Variants in PPP3R1 observed in about 807,000 individuals in gnomAD.
PPP3R1 encodes the protein calcineurin subunit B type 1.
PPP3R1 carries 5 observed loss-of-function variants against 22.6 expected under a neutral mutation model. That is an observed-to-expected ratio of 0.22 (90% CI 0.12 to 0.46). The LOEUF (loss-of-function observed/expected upper bound fraction) is 0.46, where lower values mean the gene tolerates loss of function less well. PPP3R1 is among the 20% of genes least tolerant of loss of function. The pLI is 0.99. For missense variants in PPP3R1, 61 were observed against 203.2 expected, an observed-to-expected ratio of 0.30 and a Z score of 4.25; for synonymous variants, 56 against 65.2, an observed-to-expected ratio of 0.86 and a Z score of 0.68.
At chr2:68,216,249 T>C (rs1343948753) in intron 2 of PPP3R1, among the ~76,000 whole-genome samples, 3 of 152,118 alleles carry the variant, frequency 2.0e-5, no homozygotes, top group Non-Finnish European at 4.4e-5. Context: ...TAATTCTAAA[T>C]TAACATCCAA....
At chr2:68,242,670 T>TTGC (rs1436578566) in intron 1 of PPP3R1, among the ~76,000 whole-genome samples, 12 of 152,206 alleles carry the variant, frequency 7.9e-5, no homozygotes, top group Admixed American at 7.9e-4. Flanking sequence ...TTGCCCATTA[T>TTGC]CACGTGTTTT....
intron 2 of PPP3R1, among the ~76,000 whole-genome samples, chr2:68,196,234 A>T (rs1380912265): frequency 3.3e-5 from 5 of 152,226 alleles, no homozygotes; most frequent in Non-Finnish European, 7.3e-5. Flanking sequence ...TTAACTTAAA[A>T]GCTTTACAGT....
chr2:68,201,985 T>C (rs763663818), intron 2 of PPP3R1, among the ~76,000 whole-genome samples: 1 of 152,356 alleles, frequency 6.6e-6, no homozygotes, highest in South Asian at 2.1e-4. Context: ...GCAATCAGAA[T>C]GCTTTTAAAC....
intron 1 of PPP3R1, among the ~76,000 whole-genome samples, chr2:68,235,251 A>G (rs1669997105): frequency 6.6e-6 from 1 of 152,158 alleles, no homozygotes; most frequent in Non-Finnish European, 1.5e-5. Flanking sequence ...CCATCCATCT[A>G]AAGTATACAA....
chr2:68,198,447 GTATATACA>G (rs986687983), intron 2 of PPP3R1, among the ~76,000 whole-genome samples: 15 of 148,318 alleles, frequency 1.0e-4, no homozygotes, highest in Admixed American at 8.8e-4. Flanking sequence ...GTGTATATAT[GTATATACA>G]TATATACGTA....
At chr2:68,229,627 TA>T (rs1309284867) in intron 1 of PPP3R1, among the ~76,000 whole-genome samples, 2 of 152,156 alleles carry the variant, frequency 1.3e-5, no homozygotes, top group African/African-American at 4.8e-5. Context: ...TTAACCCTTT[TA>T]TCATATAATG....
At chr2:68,247,802 T>G (rs1670263934) in intron 1 of PPP3R1, among the ~76,000 whole-genome samples, 1 of 152,202 alleles carries the variant, frequency 6.6e-6, no homozygotes, top group Non-Finnish European at 1.5e-5. Flanking sequence ...TTCTACCGCC[T>G]AAATGTATCT....
chr2:68,238,589 A>G (rs1670058912), intron 1 of PPP3R1, among the ~76,000 whole-genome samples: 2 of 152,208 alleles, frequency 1.3e-5, no homozygotes, highest in South Asian at 4.1e-4. Context: ...TTGACTTTCA[A>G]ATGAAAGCAT....
intron 1 of PPP3R1, among the ~76,000 whole-genome samples, chr2:68,240,002 AT>A (rs1291108383): frequency 2.0e-5 from 3 of 152,206 alleles, no homozygotes; most frequent in African/African-American, 7.2e-5. Context: ...TGTGTTATCT[AT>A]TTTACCAACT....
At chr2:68,237,582 T>C (rs1670042546) in intron 1 of PPP3R1, among the ~76,000 whole-genome samples, 1 of 152,232 alleles carries the variant, frequency 6.6e-6, no homozygotes. Context: ...GAATGAATAA[T>C]AAAATACCAA....
intron 2 of PPP3R1, among the ~76,000 whole-genome samples, chr2:68,198,391 A>ATG (rs1189841036): frequency 8.1e-6 from 1 of 123,506 alleles, no homozygotes; most frequent in Non-Finnish European, 1.7e-5. Flanking sequence ...ATGCATATAT[A>ATG]TGTATATATA....
In PPP3R1 at chr2:68,179,319, CA is replaced by C. The variant is rs2103707268; in HGVS notation, c.*1643del. ...GAACATTAACATTTCCAAAGTTTGG[CA>C]ACATTATCTTTTAAAATTATGCAAA... On this transcript the variant is annotated 3_prime_UTR_variant, in exon 6 of 6. Transcript: ENST00000234310. 6.6e-6 allele frequency: 1 copy of C among 152,670 alleles called. No homozygotes were observed. The highest frequency in any genetic ancestry group is 2.4e-5 in the African/African-American group (1 of 41,524). The allele number at this position is 152,670 out of a possible 1,614,324, so 9.5% of individuals were successfully genotyped here. A position where few individuals can be genotyped will look rare whatever the true frequency, so the allele number is the denominator to read the frequency against.
In PPP3R1 at chr2:68,188,177, T is replaced by TTAAA. The variant is rs567919693; in HGVS notation, c.220+333_220+336dup. 1.6e-3 allele frequency among the ~76,000 whole-genome samples: 248 copies of TTAAA among 151,926 alleles called. 2 individuals are homozygous for TTAAA. Among genetic ancestry groups the TTAAA allele is most frequent in the African/African-American group, 5.7e-3 (236 of 41,446 alleles). On this transcript the variant is annotated intron_variant, in intron 3 of 5. Coordinates refer to ENST00000234310, the MANE Select transcript of PPP3R1 (RefSeq NM_000945.4). ...AGAGCGAGACTCCATCTCAAAAAAATTAAATAAATAAATAAAAGGAATTGC... is the reference window on the plus strand; with the variant it reads ...AGAGCGAGACTCCATCTCAAAAAAATTAAATAAATAAATAAATAAAAGGAATTGC...
chr2:68,190,087 G>T (rs6749303), intron 2 of PPP3R1, among the ~76,000 whole-genome samples: 7 of 149,848 alleles, frequency 4.7e-5, no homozygotes, highest in African/African-American at 1.7e-4. Flanking sequence ...TATTAAAATA[G>T]AACTATATAC....
At chr2:68,221,467 C>T (rs1669688286) in intron 1 of PPP3R1, among the ~76,000 whole-genome samples, 1 of 152,184 alleles carries the variant, frequency 6.6e-6, no homozygotes, top group South Asian at 2.1e-4. Flanking sequence ...CACTGCACTC[C>T]AGCCTGGGCA....
At chr2:68,197,706 T>G (rs907400850) in intron 2 of PPP3R1, among the ~76,000 whole-genome samples, 2 of 152,154 alleles carry the variant, frequency 1.3e-5, no homozygotes, top group East Asian at 1.9e-4. Flanking sequence ...TGTGAAATTC[T>G]CTATATACTG....
chr2:68,220,049 A>G (rs1056691316), intron 1 of PPP3R1, among the ~76,000 whole-genome samples: 9 of 152,190 alleles, frequency 5.9e-5, no homozygotes, highest in African/African-American at 2.2e-4. Flanking sequence ...AATCAGAAAA[A>G]TTTTATCAAA....
At chr2:68,181,640 T>C (rs920190260) in intron 5 of PPP3R1, among the ~76,000 whole-genome samples, 6 of 151,758 alleles carry the variant, frequency 4.0e-5, no homozygotes. Flanking sequence ...AAACGATTCT[T>C]AGTTCAAAGA....
intron 1 of PPP3R1, among the ~76,000 whole-genome samples, chr2:68,223,464 T>TA (rs1558638599): frequency 6.6e-6 from 1 of 152,108 alleles, no homozygotes; most frequent in Non-Finnish European, 1.5e-5. Flanking sequence ...TAAAAATCCT[T>TA]AAAAATATCT....
Sources: allele counts gnomAD v4.1 joint callset (sites outside exome capture counted in the v4.1 genomes callset), GRCh38; gene constraint gnomAD v4.1.1; transcripts MANE v1.5; gene names NCBI Gene and HGNC (gene_info 2026-07-23, HGNC 2026-07-21).